The following FASN variants were observed in gnomAD, a reference collection of about 807,000 sequenced individuals.
FASN encodes the protein 3-hydroxyacyl-[acyl-carrier-protein] dehydratase.
Under a neutral mutation model 250.0 loss-of-function variants are expected in FASN, and 50 were observed. That is an observed-to-expected ratio of 0.20 (90% CI 0.16 to 0.25). The LOEUF is 0.25. FASN is among the 10% of genes least tolerant of loss of function. FASN has a pLI of 1.00. For missense variants in FASN, 3,031 were observed against 3,498.5 expected, an observed-to-expected ratio of 0.87 and a Z score of 3.37; for synonymous variants, 1,909 against 1,584.0, an observed-to-expected ratio of 1.21 and a Z score of -4.87.
intron 2 of FASN, 137 bp downstream of exon 2, chr17:82,096,182 A>T: frequency 7.3e-7 from 1 of 1,377,970 alleles, no homozygotes; most frequent in Non-Finnish European, 1.0e-6. Flanking sequence ...ATGGGTGACC[A>T]GTGGCTCTGC....
At position 82,084,064 on chromosome 17, in the gene FASN, G is replaced by T; in HGVS notation, c.5009C>A (p.Thr1670Lys). The T allele has an allele frequency of 6.5e-7, 1 of 1,549,556 alleles. No individual in the cohort carries two copies. Among genetic ancestry groups the T allele is most frequent in the Non-Finnish European group, 8.7e-7 (1 of 1,148,452 alleles). ...GCCCGAGCCCGAGTGGATGAGCAGC[G>T]TCTCCCCGGGGCGCACCCGCCCACG... ...VVRGRVRPGETLLIHSGSGGV... is the reference protein window; with the variant it reads ...VVRGRVRPGEKLLIHSGSGGV... The change falls in exon 29 of 43, where the codon ACG (threonine) becomes AAG (lysine). Residue 1670 changes from threonine to lysine, a missense_variant. Thr to Lys is a moderately conservative substitution (Grantham distance 78). Transcript: ENST00000306749.
At position 82,093,187 on chromosome 17, in the gene FASN, C is replaced by T. The variant is rs374636553; in HGVS notation, c.655+32G>A. On this transcript the variant is annotated intron_variant, in intron 5 of 42. Coordinates refer to ENST00000306749, the MANE Select transcript of FASN (RefSeq NM_004104.5). The stretch of plus-strand genomic sequence containing the variant: ...GGGGGGCCGTCCTGTGCCACTGTCC[C>T]GCCTGCCCTGGCCGCGCAGCCGCAC... 5.7e-5 allele frequency: 89 copies of T among 1,552,008 alleles called. No individual in the cohort carries two copies. The African/African-American group carries it at 8.4e-4, about 15-fold the overall frequency.
chr17:82,081,282 G>A lies in FASN; in HGVS notation c.6477C>T (p.Ser2159=), dbSNP rs146570982. 5.7e-4 allele frequency: 892 copies of A among 1,563,060 alleles called. 13 individuals carry two copies. Among genetic ancestry groups the A allele is most frequent in the African/African-American group, 1.4e-4 (10 of 74,018 alleles). Residue 2159 remains serine (S), a synonymous_variant, in exon 38 of 43, where the codon AGC becomes AGT. Transcript: ENST00000306749. ...GCTCCAGCGTCTGGCGCACCTCCAC[G>A]CTCATGAGCGAGTCCAGGCCCAGGT... is the stretch of plus-strand genomic sequence containing the variant. ...LADLGLDSLM[S]VEVRQTLERE...
Position 82,079,542 on chromosome 17 carries a change from T to C in FASN, c.7213A>G (p.Ile2405Val), listed in dbSNP as rs747454861. The C allele has an allele frequency of 2.0e-5, 32 of 1,609,694 alleles. No individual in the cohort carries two copies. Among genetic ancestry groups the C allele is most frequent in the Non-Finnish European group, 2.7e-5 (32 of 1,179,934 alleles). The stretch of plus-strand genomic sequence containing the variant: ...CGGTCCAGGCCCTGGTGGCTCTTGA[T>C]GATCAGGTCCACGGCGGCTGCCACA... ...ERVAAAVDLIIKSHQGLDRQE... is the reference protein window; with the variant it reads ...ERVAAAVDLIVKSHQGLDRQE... Residue 2405 changes from isoleucine (I) to valine (V), a missense_variant, in exon 42 of 43, where the codon ATC becomes GTC. Physicochemically the swap from Ile to Val is conservative, Grantham distance 29. Transcript: ENST00000306749.
At chr17:82,080,619 T>A (rs1180465331) in intron 39 of FASN, 29 bp from the exon 40 acceptor site, 1 of 1,551,834 alleles carries the variant, frequency 6.4e-7, no homozygotes, top group African/African-American at 1.4e-5. Flanking sequence ...GCACTCAGCA[T>A]GTGCAGGCGG....
Position 82,082,172 on chromosome 17 carries a change from C to T in FASN, c.6012-12G>A, listed in dbSNP as rs9898060. 5.9e-5 allele frequency: 95 copies of T among 1,601,518 alleles called. No homozygotes were observed. The highest frequency in any genetic ancestry group is 4.2e-4 in the East Asian group (19 of 44,894). On this transcript the variant is annotated splice_polypyrimidine_tract_variant and intron_variant, in intron 35 of 42. Coordinates refer to ENST00000306749, the MANE Select transcript of FASN (RefSeq NM_004104.5). The stretch of plus-strand genomic sequence containing the variant: ...CCTCTCGGGTCACCCTGTGGGCACG[C>T]GTGTCACTCCCCATTGGCCAGCATC...
In FASN at chr17:82,081,622, C is replaced by T; in HGVS notation, c.6385G>A (p.Glu2129Lys). 2 of 1,612,670 alleles carry T rather than the reference C, an allele frequency of 1.2e-6. No individual in the cohort carries two copies. Among genetic ancestry groups the T allele is most frequent in the Non-Finnish European group, 1.7e-6 (2 of 1,179,992 alleles). ...RDRDSQRDLVEAVAHILGIRD... is the reference protein window; with the variant it reads ...RDRDSQRDLVKAVAHILGIRD... ...TCACCCAGGATGTGTGCCACGGCCT[C>T]CACCAGGTCCCGCTGGCTGTCCCTG... is the stretch of plus-strand genomic sequence containing the variant. Residue 2129 changes from glutamate to lysine, a missense_variant, in exon 37 of 43, where the codon GAG (glutamate) becomes AAG (lysine). Glu to Lys is a moderately conservative substitution (Grantham distance 56). Transcript: ENST00000306749.
rs758318704 is a variant in FASN, at chr17:82,083,321, C to T, written c.5446G>A (p.Ala1816Thr). Reference sequence around the variant, plus strand: ...CGTACCACCCCATCCCGGATGCCGGCCTGCACAAGCGCCCACACCTCCCGC... The same window carrying T: ...CGTACCACCCCATCCCGGATGCCGGTCTGCACAAGCGCCCACACCTCCCGC... ...DWREVWALVQ[A>T]GIRDGVVRPL... Residue 1816 changes from alanine (A) to threonine (T), a missense_variant, in exon 32 of 43, where the codon GCC becomes ACC. Coordinates refer to ENST00000306749, the MANE Select transcript of FASN (RefSeq NM_004104.5). The T allele has an allele frequency of 6.2e-7, 1 of 1,612,734 alleles. No individual in the cohort carries two copies. Among genetic ancestry groups the T allele is most frequent in the South Asian group, 1.1e-5 (1 of 91,086 alleles).
Position 82,079,075 on chromosome 17 carries a change from T to TG in FASN, c.*67dup. 8.1e-7 allele frequency: 1 copy of TG among 1,236,370 alleles called. No homozygotes were observed. The highest frequency in any genetic ancestry group is 1.0e-6 in the Non-Finnish European group (1 of 957,268). The allele number at this position is 1,236,370 out of a possible 1,614,324, so 76.6% of individuals were successfully genotyped here. ...GGCAGGACCCTTCAATCCCGTTGCA[T>TG]GGCGGGGGTGGGGTGGGGTGGGGTG... On this transcript the variant is annotated 3_prime_UTR_variant, in exon 43 of 43. Transcript: ENST00000306749.
chr17:82,081,021 G>C, intron 38 of FASN, 99 bp from the exon 39 acceptor site: 1 of 1,396,864 alleles, frequency 7.2e-7, no homozygotes, highest in Non-Finnish European at 9.9e-7. Flanking sequence ...ACGGTGCTAC[G>C]TCAGGTGGGA....
rs1300947033 is a variant in FASN, at chr17:82,079,405, C to A, written c.7350G>T (p.Thr2450=). ...HGNVMLLRAK[T]GGAYGEDLGA... ...CCAGGTCCTCGCCGTAGGCGCCACC[C>A]GTCTTGGCGCGCAGTAGCATCACGT... is the stretch of plus-strand genomic sequence containing the variant. The change falls in exon 42 of 43, where the codon ACG becomes ACT. Residue 2450 remains threonine (T), a synonymous_variant. Coordinates refer to ENST00000306749, the MANE Select transcript of FASN (RefSeq NM_004104.5). 2 of 1,613,048 alleles carry A rather than the reference C, an allele frequency of 1.2e-6. No homozygotes were observed. The highest frequency in any genetic ancestry group is 1.7e-6 in the Non-Finnish European group (2 of 1,180,004).
chr17:82,089,622 C>T lies in FASN; in HGVS notation c.1965+10G>A. 1 of 1,591,208 alleles carries T rather than the reference C, an allele frequency of 6.3e-7. No homozygotes were observed. The highest frequency in any genetic ancestry group is 8.6e-7 in the Non-Finnish European group (1 of 1,169,572). ...GGGACAGAGGAGCCCGCCCAGGCCG[C>T]AGCACCCACCTGAGGTCCCGAGATG... is the stretch of plus-strand genomic sequence containing the variant. On this transcript the variant is annotated intron_variant, in intron 12 of 42. Transcript: ENST00000306749.
chr17:82,089,426 C>A (rs1271829183), intron 12 of FASN, 42 bp from the exon 13 acceptor site: 2 of 1,612,574 alleles, frequency 1.2e-6, no homozygotes, highest in Non-Finnish European at 1.7e-6. Flanking sequence ...TGGCTGGGCA[C>A]CCACCTCAGG....
intron 37 of FASN, 83 bp from the exon 38 acceptor site, chr17:82,081,435 G>A (rs1216283876): frequency 2.4e-5 from 37 of 1,563,588 alleles, no homozygotes; most frequent in Admixed American, 5.3e-5. Flanking sequence ...CCAGGGGTGC[G>A]TGGGCTGTGC....
chr17:82,094,816 AT>A (rs2034276245), intron 3 of FASN, among the ~76,000 whole-genome samples: 1 of 151,670 alleles, frequency 6.6e-6, no homozygotes, highest in Non-Finnish European at 1.5e-5. Flanking sequence ...AAAAATAAAA[AT>A]AAAAAAACGG....
At position 82,087,446 on chromosome 17, in the gene FASN, C is replaced by T. The variant is rs1452768601; in HGVS notation, c.3102G>A (p.Leu1034=). ...TGGCCGAGCCCAGGATGGACATCTGCAGCATGGTGTCCATGAAGCTCACCC... is the reference window on the plus strand; with the variant it reads ...TGGCCGAGCCCAGGATGGACATCTGTAGCATGGTGTCCATGAAGCTCACCC... The part of the protein sequence containing the change: ...DNWVSFMDTM[L]QMSILGSAKH... Residue 1034 remains leucine (L), a synonymous_variant, in exon 20 of 43, where the codon CTG becomes CTA. Transcript: ENST00000306749. The T allele has an allele frequency of 1.2e-6, 2 of 1,612,674 alleles. No individual in the cohort carries two copies. Among genetic ancestry groups the T allele is most frequent in the East Asian group, 4.5e-5 (2 of 44,888 alleles).
At position 82,089,401 on chromosome 17, in the gene FASN, C is replaced by T; in HGVS notation, c.1966-17G>A. On this transcript the variant is annotated splice_polypyrimidine_tract_variant and intron_variant, in intron 12 of 42. Transcript: ENST00000306749. ...CACCGGGGCCTGGACATCGTGGGAG[C>T]CTGGATAAGCATCCTGGCTGGGCAC... is the stretch of plus-strand genomic sequence containing the variant. 1 of 1,612,698 alleles carries T rather than the reference C, an allele frequency of 6.2e-7. No individual in the cohort carries two copies. Among genetic ancestry groups the T allele is most frequent in the Non-Finnish European group, 8.5e-7 (1 of 1,179,964 alleles).
intron 37 of FASN, 53 bp from the exon 38 acceptor site, chr17:82,081,405 G>GT: frequency 6.4e-7 from 1 of 1,561,134 alleles, no homozygotes; most frequent in Non-Finnish European, 8.6e-7. Flanking sequence ...GGGACGGCCT[G>GT]TATGCGGCAG....
rs12937862 is a variant in FASN at position 82,089,771 on chromosome 17, G to A, written c.1871-45C>T. 11,511 of 1,510,630 alleles carry A rather than the reference G, an allele frequency of 7.6e-3. 698 individuals carry two copies. In the East Asian group the frequency reaches 0.12, roughly 16 times the overall value. The allele number at this position is 1,510,630 out of a possible 1,614,324, so 93.6% of individuals were successfully genotyped here. A position where few individuals can be genotyped will look rare whatever the true frequency, so the allele number is the denominator to read the frequency against. ...AGAGGCTTAGCGTGGACACCGAGCC[G>A]CTCCCAGCCACCCACCCACCCAGAC... On this transcript the variant is annotated intron_variant, in intron 11 of 42. Transcript: ENST00000306749.
Sources: allele counts gnomAD v4.1 joint callset (sites outside exome capture counted in the v4.1 genomes callset), GRCh38; gene constraint gnomAD v4.1.1; transcripts MANE v1.5; gene names NCBI Gene and HGNC (gene_info 2026-07-23, HGNC 2026-07-21).